The following SNTG1 variants were observed in gnomAD, a reference collection of about 807,000 sequenced individuals.
SNTG1 encodes the protein syntrophin gamma 1.
In SNTG1, 39 loss-of-function variants were observed where a neutral mutation model predicts 74.7. That is an observed-to-expected ratio of 0.52 (90% CI 0.40 to 0.68). The LOEUF (loss-of-function observed/expected upper bound fraction) is 0.68. SNTG1 is among the 30% of genes least tolerant of loss of function. SNTG1 has a pLI of 0.00. For synonymous variants in SNTG1, 254 were observed against 217.1 expected, an observed-to-expected ratio of 1.17 and a Z score of -1.49; for missense variants, 685 against 609.5, an observed-to-expected ratio of 1.12 and a Z score of -1.30.
intron 2 of SNTG1, among the ~76,000 whole-genome samples, chr8:50,242,952 G>A (rs868802774): frequency 7.2e-5 from 11 of 151,996 alleles, no homozygotes; most frequent in African/African-American, 2.7e-4. Context: ...ATTCATGCAG[G>A]ACTTACAGAG....
chr8:50,732,903 C>T (rs906739607), intron 17 of SNTG1, among the ~76,000 whole-genome samples: 1 of 151,734 alleles, frequency 6.6e-6, no homozygotes, highest in Admixed American at 6.6e-5. Context: ...TAAAAAATAA[C>T]ATCTTTCTGC....
intron 2 of SNTG1, among the ~76,000 whole-genome samples, chr8:50,343,747 G>A (rs868857025): frequency 4.6e-5 from 7 of 152,088 alleles, no homozygotes; most frequent in African/African-American, 1.7e-4. Context: ...ATTTAAGAGT[G>A]AGCCTATTAG....
intron 9 of SNTG1, among the ~76,000 whole-genome samples, chr8:50,506,862 G>C (rs536054630): frequency 1.8e-4 from 28 of 152,068 alleles, no homozygotes; most frequent in Non-Finnish European, 3.4e-4. Flanking sequence ...TAGAAGACTT[G>C]AGAGTGGGCA....
At chr8:50,310,310 G>C (rs897749381) in intron 2 of SNTG1, among the ~76,000 whole-genome samples, 1 of 152,146 alleles carries the variant, frequency 6.6e-6, no homozygotes, top group African/African-American at 2.4e-5. Context: ...GATTTTAATT[G>C]CTAACAAAAA....
At chr8:50,455,856 CAT>C (rs1174122857) in intron 8 of SNTG1, among the ~76,000 whole-genome samples, 3 of 152,176 alleles carry the variant, frequency 2.0e-5, no homozygotes, top group African/African-American at 7.2e-5. Context: ...CTAACGATTA[CAT>C]TGTTTACAAT....
At chr8:50,591,653 T>A (rs1417604824) in intron 13 of SNTG1, among the ~76,000 whole-genome samples, 1 of 152,210 alleles carries the variant, frequency 6.6e-6, no homozygotes, top group Non-Finnish European at 1.5e-5. Flanking sequence ...TTTACACTTG[T>A]TCTTTGGAAT....
At chr8:50,053,564 G>T (rs1047326124) in intron 1 of SNTG1, among the ~76,000 whole-genome samples, 1 of 150,020 alleles carries the variant, frequency 6.7e-6, no homozygotes, top group Non-Finnish European at 1.5e-5. Context: ...GAACTTCATG[G>T]TTTACAATGA....
At chr8:50,148,192 T>G (rs1411208805) in intron 1 of SNTG1, among the ~76,000 whole-genome samples, 1 of 152,062 alleles carries the variant, frequency 6.6e-6, no homozygotes, top group African/African-American at 2.4e-5. Context: ...CATACATGAA[T>G]ATGAATTCAT....
intron 1 of SNTG1, among the ~76,000 whole-genome samples, chr8:50,165,099 T>C (rs1250822029): frequency 6.6e-6 from 1 of 152,150 alleles, no homozygotes. Context: ...GTGTTTATAC[T>C]ATTTTGGATA....
chr8:50,678,108 A>G (rs1357609013), intron 15 of SNTG1, among the ~76,000 whole-genome samples: 1 of 151,924 alleles, frequency 6.6e-6, no homozygotes, highest in African/African-American at 2.4e-5. Context: ...AGTAAAATTT[A>G]GAAAAAAAGA....
At chr8:50,704,005 T>C (rs1162880472) in intron 15 of SNTG1, among the ~76,000 whole-genome samples, 2 of 152,218 alleles carry the variant, frequency 1.3e-5, no homozygotes, top group Admixed American at 6.5e-5. Flanking sequence ...ATATGTAAAT[T>C]TGTGAACACT....
intron 2 of SNTG1, among the ~76,000 whole-genome samples, chr8:50,217,128 T>A (rs2084827475): frequency 6.6e-6 from 1 of 151,978 alleles, no homozygotes; most frequent in Admixed American, 6.6e-5. Context: ...ATGATTCAAC[T>A]TAGTGTAGAC....
intron 1 of SNTG1, among the ~76,000 whole-genome samples, chr8:50,127,090 A>C (rs998270003): frequency 1.3e-5 from 2 of 152,150 alleles, no homozygotes; most frequent in African/African-American, 2.4e-5. Flanking sequence ...TGTTAGGTAT[A>C]ATATCAGAAA....
At chr8:50,258,526 A>G (rs1264001724) in intron 2 of SNTG1, among the ~76,000 whole-genome samples, 1 of 152,194 alleles carries the variant, frequency 6.6e-6, no homozygotes, top group East Asian at 1.9e-4. Context: ...AAAAAATTAC[A>G]TAATTAAAAG....
intron 18 of SNTG1, among the ~76,000 whole-genome samples, chr8:50,764,882 G>A (rs994075980): frequency 2.0e-5 from 3 of 151,908 alleles, no homozygotes; most frequent in South Asian, 2.1e-4. Context: ...CAACCTAAAT[G>A]TCCATCAACT....
chr8:50,314,319 T>G (rs1043546318), intron 2 of SNTG1, among the ~76,000 whole-genome samples: 2 of 149,710 alleles, frequency 1.3e-5, no homozygotes, highest in Non-Finnish European at 2.9e-5. Context: ...TCAACTTGAT[T>G]GGGACATGCT....
chr8:50,498,780 T>C (rs1345033877), intron 8 of SNTG1, among the ~76,000 whole-genome samples: 2 of 151,912 alleles, frequency 1.3e-5, no homozygotes, highest in East Asian at 3.9e-4. Context: ...GTGTAAGGTA[T>C]AGCTCAAAGC....
chr8:50,321,665 G>A (rs1276997749), intron 2 of SNTG1, among the ~76,000 whole-genome samples: 1 of 151,762 alleles, frequency 6.6e-6, no homozygotes, highest in Non-Finnish European at 1.5e-5. Context: ...TTAATTTCTT[G>A]CTTTTCAATA....
intron 2 of SNTG1, among the ~76,000 whole-genome samples, chr8:50,271,983 T>G (rs1293499413): frequency 6.6e-6 from 1 of 152,006 alleles, no homozygotes; most frequent in African/African-American, 2.4e-5. Flanking sequence ...TTTGACCAGG[T>G]GAGAGTACAG....
Sources: gnomAD v4.1 joint callset for allele counts (sites outside exome capture counted in the v4.1 genomes callset) on GRCh38, gnomAD v4.1.1 for gene constraint, MANE v1.5 for transcripts, NCBI Gene and HGNC (gene_info 2026-07-23, HGNC 2026-07-21) for gene names.